PACRGL: variants seen among roughly 807,000 people sequenced by gnomAD.
The protein encoded by PACRGL is parkin coregulated like.
In PACRGL, 38 loss-of-function variants were observed where a neutral mutation model predicts 34.5. The ratio of observed to expected loss-of-function variants is 1.10; its 90% CI spans 0.85 to 1.44. PACRGL has a LOEUF of 1.44. Among genes scored for constraint, PACRGL ranks in the 40% most tolerant of loss-of-function variants. The probability of loss-of-function intolerance (pLI) is 0.00; values close to 1 mark genes in which losing one functional copy is unlikely to be tolerated. For missense variants in PACRGL, 305 were observed against 281.4 expected, an observed-to-expected ratio of 1.08 and a Z score of -0.60; for synonymous variants, 128 against 100.1, an observed-to-expected ratio of 1.28 and a Z score of -1.66.
intron 8 of PACRGL, among the ~76,000 whole-genome samples, chr4:20,749,157 A>C (rs1020384158): frequency 5.4e-3 from 278 of 51,544 alleles, no homozygotes; most frequent in South Asian, 0.014. Flanking sequence ...GACTCTTTCA[A>C]AAAAAAAAAA....
rs567168486 is a variant in PACRGL at position 20,715,263 on chromosome 4, G to A, written c.609+1724G>A. On this transcript the variant is annotated intron_variant, in intron 7 of 8. Coordinates refer to ENST00000503585, the MANE Select transcript of PACRGL (RefSeq NM_001258345.3). Reference sequence around the variant, plus strand: ...ACAGGAAGGGTAACATCACTCTCTGGGGACTGTTGTGGGGTGGGAGTAGTG... The same window carrying A: ...ACAGGAAGGGTAACATCACTCTCTGAGGACTGTTGTGGGGTGGGAGTAGTG... 4.6e-5 allele frequency among the ~76,000 whole-genome samples: 7 copies of A among 152,106 alleles called. No homozygotes were observed. In the East Asian group the frequency reaches 1.4e-3, roughly 29 times the overall value.
In PACRGL at chr4:20,730,138, G is replaced by C; in HGVS notation, c.*2797G>C. The C allele has an allele frequency of 6.2e-7, 1 of 1,601,880 alleles. No individual in the cohort carries two copies. The highest frequency in any genetic ancestry group is 8.5e-7 in the Non-Finnish European group (1 of 1,175,264). ...CGCATTATGTTTTCATCCTGTAAGG[G>C]AGAAACACAGAGCGATTAAATTCAG... On this transcript the variant is annotated 3_prime_UTR_variant, in exon 9 of 9. Coordinates refer to ENST00000503585, the MANE Select transcript of PACRGL (RefSeq NM_001258345.3).
downstream of PACRGL, among the ~76,000 whole-genome samples, chr4:20,735,530 G>GTTTTTTTTTTTTT (rs10542507): frequency 2.7e-5 from 3 of 109,710 alleles, no homozygotes; most frequent in Non-Finnish European, 3.6e-5. Context: ...TTTTTTTTTT[G>GTTTTTTTTTTTTT]TTTTTTTTTT....
Position 20,731,309 on chromosome 4 carries a change from AGTTAT to A in PACRGL, c.*3969_*3973del, listed in dbSNP as rs2149257827. The A allele has an allele frequency of 1.2e-6, 1 of 810,814 alleles. No individual in the cohort carries two copies. The highest frequency in any genetic ancestry group is 5.6e-5 in the South Asian group (1 of 17,860). 50.2% of individuals were successfully genotyped at this position (810,814 alleles called of 1,614,324 possible). On this transcript the variant is annotated 3_prime_UTR_variant, in exon 9 of 9. Coordinates refer to ENST00000503585, the MANE Select transcript of PACRGL (RefSeq NM_001258345.3). ...CATTGGACTCAAAATCCTGGCCTTA[AGTTAT>A]CTTCCCGCCTCAGCCTCCCATAGTG...
chr4:20,747,222 G>A (rs542469540), intron 8 of PACRGL, among the ~76,000 whole-genome samples: 1 of 152,100 alleles, frequency 6.6e-6, no homozygotes. Context: ...TATAAAATTG[G>A]ATATAATGTG....
chr4:20,704,642 T>G lies in PACRGL; in HGVS notation c.53-18T>G. 1 of 1,613,936 alleles carries G rather than the reference T, an allele frequency of 6.2e-7. No homozygotes were observed. Among genetic ancestry groups the G allele is most frequent in the Non-Finnish European group, 8.5e-7 (1 of 1,179,852 alleles). ...ATTGCTTGTACCTGGTTTCTATTGA[T>G]GTTCTGTTTTTTTCCAGGTAACTAT... is the stretch of plus-strand genomic sequence containing the variant. On this transcript the variant is annotated intron_variant, in intron 2 of 8. Transcript: ENST00000503585.
At chr4:20,697,264 C>A (rs1731280606), upstream of PACRGL, among the ~76,000 whole-genome samples, 2 of 152,124 alleles carry the variant, frequency 1.3e-5, no homozygotes, top group African/African-American at 4.8e-5. Flanking sequence ...TGGGAATAAT[C>A]ATTGGGAATG....
rs901703838 is a variant in PACRGL, at chr4:20,730,188, A to G, written c.*2847A>G. 2.9e-5 allele frequency: 45 copies of G among 1,539,128 alleles called. No individual in the cohort carries two copies. Among genetic ancestry groups the G allele is most frequent in the East Asian group, 4.7e-5 (2 of 42,274 alleles). Reference sequence around the variant, plus strand: ...GCATATCTGCAAGGAAAAGTACACTATTTTGCCCCTGAGTATTGCCTCCTC... The same window carrying G: ...GCATATCTGCAAGGAAAAGTACACTGTTTTGCCCCTGAGTATTGCCTCCTC... On this transcript the variant is annotated 3_prime_UTR_variant, in exon 9 of 9. Coordinates refer to ENST00000503585, the MANE Select transcript of PACRGL (RefSeq NM_001258345.3).
At position 20,731,665 on chromosome 4, in the gene PACRGL, A is replaced by G; in HGVS notation, c.*4324A>G. ...TAATGCTGTGGAGATATGATAGATA[A>G]TATATGAGTGATGCTAAGTTTTGGC... On this transcript the variant is annotated 3_prime_UTR_variant, in exon 9 of 9. Transcript: ENST00000503585. The G allele has an allele frequency of 1.0e-6, 1 of 985,026 alleles. No individual in the cohort carries two copies. The highest frequency in any genetic ancestry group is 1.2e-6 in the Non-Finnish European group (1 of 829,562). 61.0% of individuals were successfully genotyped at this position (985,026 alleles called of 1,614,324 possible). A position where few individuals can be genotyped will look rare whatever the true frequency, so the allele number is the denominator to read the frequency against.
At chr4:20,701,036 A>AT (rs562570947) in intron 1 of PACRGL, among the ~76,000 whole-genome samples, 1 of 152,086 alleles carries the variant, frequency 6.6e-6, no homozygotes, top group Non-Finnish European at 1.5e-5. Context: ...ATAAGTGACT[A>AT]TTGGGCTCTG....
chr4:20,737,396 A>T (rs1306781410), downstream of PACRGL, among the ~76,000 whole-genome samples: 1 of 152,170 alleles, frequency 6.6e-6, no homozygotes, highest in Non-Finnish European at 1.5e-5. Flanking sequence ...GTAATTTTTA[A>T]TGAGGAGCAC....
chr4:20,739,004 C>T lies in PACRGL; in HGVS notation c.*56+11607C>T, dbSNP rs572128293. On this transcript the variant is annotated intron_variant, in intron 8 of 8. Transcript: ENST00000507634. Reference sequence around the variant, plus strand: ...CTTGCTCACTGCTATCACAGAAGTCCGAGATCGAACTGCAAGGCAACAGTG... The same window carrying T: ...CTTGCTCACTGCTATCACAGAAGTCTGAGATCGAACTGCAAGGCAACAGTG... Among the ~76,000 whole-genome samples the T allele has an allele frequency of 2.0e-5, 3 of 152,274 alleles. No individual in the cohort carries two copies. The South Asian group carries it at 6.2e-4, about 32-fold the overall frequency.
At chr4:20,726,421 A>C (rs1167865189) in intron 8 of PACRGL, among the ~76,000 whole-genome samples, 1 of 152,142 alleles carries the variant, frequency 6.6e-6, no homozygotes, top group Admixed American at 6.5e-5. Context: ...TATCCTACAT[A>C]ATATTTTAAT....
upstream of PACRGL, among the ~76,000 whole-genome samples, chr4:20,699,559 G>GTGCT (rs1731490672): frequency 6.6e-6 from 1 of 152,186 alleles, no homozygotes; most frequent in South Asian, 2.1e-4. Flanking sequence ...TGCTTCTGGG[G>GTGCT]TGCTGGTCAA....
chr4:20,744,782 A>G (rs1163683398), intron 8 of PACRGL, among the ~76,000 whole-genome samples: 1 of 152,104 alleles, frequency 6.6e-6, no homozygotes, highest in African/African-American at 2.4e-5. Context: ...ATAAAAATAT[A>G]AAATAAAAAT....
chr4:20,756,513 AC>A (rs1419587730), downstream of PACRGL, among the ~76,000 whole-genome samples: 2 of 152,118 alleles, frequency 1.3e-5, no homozygotes, highest in Non-Finnish European at 2.9e-5. Flanking sequence ...ACTGGTATCT[AC>A]CCAGCACTAT....
At chr4:20,749,698 T>C in intron 8 of PACRGL, 9 of 1,610,156 alleles carry the variant, frequency 5.6e-6, no homozygotes, top group Non-Finnish European at 7.6e-6. Context: ...CTGTATCAAA[T>C]GCATTGAACA....
Position 20,707,818 on chromosome 4 carries a change from C to T in PACRGL, c.223C>T (p.Arg75Ter), listed in dbSNP as rs74492021. The T allele has an allele frequency of 2.6e-4, 422 of 1,613,508 alleles. 1 individual carries two copies. In the East Asian group the frequency reaches 7.5e-3, roughly 29 times the overall value. Reference sequence around the variant, plus strand: ...TTTATTTTAGTTTGGTGAACAGTCACGAGTGCCTTCTGCATTTGCAGCTAT... The same window carrying T: ...TTTATTTTAGTTTGGTGAACAGTCATGAGTGCCTTCTGCATTTGCAGCTAT... ...KTINPFGEQS[R>*]VPSAFAAIYS... The change falls in exon 4 of 9, where the codon CGA becomes TGA. Residue 75 changes from arginine (R) to a stop codon, truncating the protein, a stop_gained. Coordinates refer to ENST00000503585, the MANE Select transcript of PACRGL (RefSeq NM_001258345.3). LOFTEE classifies it high-confidence loss of function.
In PACRGL at chr4:20,749,158, A is replaced by G. The variant is rs78399683; in HGVS notation, c.*57-3407A>G. Among the ~76,000 whole-genome samples, 3 of 149,704 alleles carry G rather than the reference A, an allele frequency of 2.0e-5. No homozygotes were observed. In the East Asian group the frequency reaches 5.8e-4, roughly 29 times the overall value. ...TTATGACAGAGCGAGACTCTTTCAA[A>G]AAAAAAAAAAAAAATACGTTCTCTA... On this transcript the variant is annotated intron_variant, in intron 8 of 8. Coordinates refer to the PACRGL transcript ENST00000507634.
Sources: gnomAD v4.1 joint callset for allele counts (sites outside exome capture counted in the v4.1 genomes callset) on GRCh38, gnomAD v4.1.1 for gene constraint, MANE v1.5 for transcripts, NCBI Gene and HGNC (gene_info 2026-07-23, HGNC 2026-07-21) for gene names.